KIAA1549: variants seen among roughly 807,000 people sequenced by gnomAD.
The protein encoded by KIAA1549 is UPF0606 protein KIAA1549.
A neutral mutation model predicts 156.4 loss-of-function variants in KIAA1549; 70 were observed. The ratio of observed to expected loss-of-function variants is 0.45; its 90% CI spans 0.37 to 0.55. The LOEUF (loss-of-function observed/expected upper bound fraction) is 0.55, where lower values mean the gene tolerates loss of function less well. Among genes scored for constraint, KIAA1549 ranks in the 20% least tolerant of loss-of-function variants. The pLI, the probability that KIAA1549 is intolerant of heterozygous loss-of-function variation, is 0.00. For missense variants in KIAA1549, 2,428 were observed against 2,540.9 expected, an observed-to-expected ratio of 0.96 and a Z score of 0.96; for synonymous variants, 1,103 against 1,066.4, an observed-to-expected ratio of 1.03 and a Z score of -0.67.
At chr7:138,856,079 C>T (rs1459968412) in intron 16 of KIAA1549, among the ~76,000 whole-genome samples, 2 of 150,824 alleles carry the variant, frequency 1.3e-5, no homozygotes, top group Non-Finnish European at 3.0e-5. Flanking sequence ...CCACCCAGGC[C>T]GGACTGCAGT....
intron 12 of KIAA1549, chr7:138,876,375 T>C (rs1400043677): frequency 6.6e-6 from 1 of 152,248 alleles, no homozygotes; most frequent in African/African-American, 2.4e-5. Context: ...ATGGAATGCT[T>C]CCCCAATATG....
intron 8 of KIAA1549, among the ~76,000 whole-genome samples, chr7:138,900,936 C>G (rs1363177135): frequency 6.6e-6 from 1 of 152,220 alleles, no homozygotes; most frequent in East Asian, 1.9e-4. Context: ...TCAGGTATTC[C>G]TTTACGGCAA....
Position 138,840,388 on chromosome 7 carries a change from G to A in KIAA1549, c.5453-110C>T, listed in dbSNP as rs879055121. 1.7e-5 allele frequency: 16 copies of A among 934,308 alleles called. No homozygotes were observed. The South Asian group carries it at 2.5e-4, about 15-fold the overall frequency. The allele number at this position is 934,308 out of a possible 1,614,324, so 57.9% of individuals were successfully genotyped here. A position where few individuals can be genotyped will look rare whatever the true frequency, so the allele number is the denominator to read the frequency against. On this transcript the variant is annotated intron_variant, in intron 18 of 19. Coordinates refer to ENST00000422774, the MANE Select transcript of KIAA1549 (RefSeq NM_001164665.2). The stretch of plus-strand genomic sequence containing the variant: ...AACTCTGACCACTACACTCCTTAAT[G>A]ACAAGGGATCAGGACTTGGTACCAG...
intron 15 of KIAA1549, among the ~76,000 whole-genome samples, chr7:138,862,089 T>C (rs1196702626): frequency 5.9e-5 from 9 of 152,032 alleles, no homozygotes; most frequent in Admixed American, 5.9e-4. Flanking sequence ...TGAAAAAAAC[T>C]AGTAAATTTT....
chr7:138,848,986 G>A (rs1350033664), intron 17 of KIAA1549, among the ~76,000 whole-genome samples: 2 of 152,110 alleles, frequency 1.3e-5, no homozygotes, highest in Non-Finnish European at 2.9e-5. Context: ...TCCCATCTCA[G>A]CCTCCAGAGT....
intron 1 of KIAA1549, among the ~76,000 whole-genome samples, chr7:138,940,779 T>G (rs1813161332): frequency 2.0e-5 from 3 of 152,250 alleles, no homozygotes; most frequent in Admixed American, 2.0e-4. Context: ...TGATGAGCAT[T>G]TTTTCATGTG....
chr7:138,917,003 C>G lies in KIAA1549; in HGVS notation c.2623G>C (p.Val875Leu), dbSNP rs751839844. 1 of 1,601,094 alleles carries G rather than the reference C, an allele frequency of 6.2e-7. No homozygotes were observed. The highest frequency in any genetic ancestry group is 8.5e-7 in the Non-Finnish European group (1 of 1,173,504). Residue 875 changes from valine (V) to leucine (L), a missense_variant, in exon 2 of 20, where the codon GTG becomes CTG. Physicochemically the swap from Val to Leu is conservative, Grantham distance 32. This residue lies in a region of KIAA1549 where 762 missense variants were observed against 901.6 expected (regional missense o/e 0.85). Coordinates refer to ENST00000422774, the MANE Select transcript of KIAA1549 (RefSeq NM_001164665.2). Reference protein sequence around the residue: ...VVGPSLTPTEVPLNTSTEVST... With the variant: ...VVGPSLTPTELPLNTSTEVST... ...ACTTCCGTGGAGGTGTTCAGTGGCA[C>G]CTCTGTGGGTGTGAGTGATGGGCCC...
chr7:138,922,266 A>G (rs1455173654), intron 1 of KIAA1549, among the ~76,000 whole-genome samples: 2 of 152,262 alleles, frequency 1.3e-5, no homozygotes, highest in African/African-American at 4.8e-5. Flanking sequence ...CCAGGTCTCC[A>G]GCGCCTGTCA....
intron 18 of KIAA1549, 100 bp downstream of exon 18, chr7:138,844,217 A>C: frequency 7.6e-7 from 1 of 1,316,044 alleles, no homozygotes; most frequent in Non-Finnish European, 1.1e-6. Flanking sequence ...CAGCAGTGGC[A>C]GAGGCCTCTG....
At chr7:138,899,222 G>A (rs1811774953) in intron 8 of KIAA1549, 90 bp from the exon 9 acceptor site, 1 of 1,180,524 alleles carries the variant, frequency 8.5e-7, no homozygotes, top group African/African-American at 1.5e-5. Context: ...GTGTCACTCA[G>A]GATTTATTCC....
intron 3 of KIAA1549, among the ~76,000 whole-genome samples, chr7:138,912,142 C>T (rs926939204): frequency 1.3e-5 from 2 of 152,220 alleles, no homozygotes; most frequent in African/African-American, 4.8e-5. Context: ...TCTGCCAACA[C>T]ATCCCCTAAA....
chr7:138,883,089 T>TAAAAAAAAAAAAA lies in KIAA1549; in HGVS notation c.4033-1518_4033-1506dup, dbSNP rs1201752539. Among the ~76,000 whole-genome samples, 4 of 47,064 alleles carry TAAAAAAAAAAAAA rather than the reference T, an allele frequency of 8.5e-5. 1 individual carries two copies. Among genetic ancestry groups the TAAAAAAAAAAAAA allele is most frequent in the African/African-American group, 3.5e-4 (4 of 11,540 alleles). 30.9% of individuals were successfully genotyped at this position (47,064 alleles called of 152,430 possible). A position where few individuals can be genotyped will look rare whatever the true frequency, so the allele number is the denominator to read the frequency against. On this transcript the variant is annotated intron_variant, in intron 10 of 19. Coordinates refer to ENST00000422774, the MANE Select transcript of KIAA1549 (RefSeq NM_001164665.2). ...CAACATGGTGAAACCCCATCTCCCC[T>TAAAAAAAAAAAAA]AAAAAAAAAAAAAAAAAAAAAAAAA...
intron 14 of KIAA1549, 149 bp from the exon 15 acceptor site, chr7:138,868,277 T>C (rs576634075): frequency 6.7e-6 from 5 of 743,422 alleles, no homozygotes; most frequent in Admixed American, 4.9e-5. Flanking sequence ...AGACAGTCTC[T>C]GCTCTAAGGA....
rs1292571753 is a variant in KIAA1549, at chr7:138,883,272, C to CA, written c.4033-1689dup. On this transcript the variant is annotated intron_variant, in intron 10 of 19. Coordinates refer to ENST00000422774, the MANE Select transcript of KIAA1549 (RefSeq NM_001164665.2). ...CAGGTGAAAGAGTAAGACTCCATCT[C>CA]AAAAAAAAAAAAAAAAAGCCATTTG... Among the ~76,000 whole-genome samples, 523 of 55,868 alleles carry CA rather than the reference C, an allele frequency of 9.4e-3. 2 individuals are homozygous for CA. The highest frequency in any genetic ancestry group is 0.053 in the Middle Eastern group (6 of 114). 36.7% of individuals were successfully genotyped at this position (55,868 alleles called of 152,430 possible). A position where few individuals can be genotyped will look rare whatever the true frequency, so the allele number is the denominator to read the frequency against.
intron 1 of KIAA1549, among the ~76,000 whole-genome samples, chr7:138,923,586 C>T (rs942426109): frequency 2.0e-5 from 3 of 149,604 alleles, no homozygotes; most frequent in Non-Finnish European, 4.4e-5. Flanking sequence ...GGCAACAGAG[C>T]GAGACTCCAT....
chr7:138,903,156 G>A (rs1409031928), intron 8 of KIAA1549, among the ~76,000 whole-genome samples: 1 of 152,116 alleles, frequency 6.6e-6, no homozygotes, highest in Non-Finnish European at 1.5e-5. Flanking sequence ...CTCAAGCAGA[G>A]GGCAGCACGT....
In KIAA1549 at chr7:138,835,183, C is replaced by T. The variant is rs1215633093; in HGVS notation, c.*2723G>A. 2 of 214,934 alleles carry T rather than the reference C, an allele frequency of 9.3e-6. No homozygotes were observed. The highest frequency in any genetic ancestry group is 1.8e-5 in the Non-Finnish European group (2 of 109,026). 13.3% of individuals were successfully genotyped at this position (214,934 alleles called of 1,614,324 possible). On this transcript the variant is annotated 3_prime_UTR_variant, in exon 20 of 20. Transcript: ENST00000422774. Reference sequence around the variant, plus strand: ...ACGTGAACTTAATGTCTGAAGACCGCTAGGGTACGGTGCTGCTCACACAGC... The same window carrying T: ...ACGTGAACTTAATGTCTGAAGACCGTTAGGGTACGGTGCTGCTCACACAGC...
intron 5 of KIAA1549, among the ~76,000 whole-genome samples, chr7:138,907,789 G>C (rs1385051374): frequency 6.6e-6 from 1 of 152,156 alleles, no homozygotes; most frequent in Non-Finnish European, 1.5e-5. Context: ...ACTATGGTGG[G>C]TCTGGGCCCT....
chr7:138,928,262 G>A (rs1812779583), intron 1 of KIAA1549, among the ~76,000 whole-genome samples: 1 of 150,996 alleles, frequency 6.6e-6, no homozygotes, highest in African/African-American at 2.4e-5. Flanking sequence ...TTTCTTTTGG[G>A]TTGTCTGTCT....
Sources: gnomAD v4.1 joint callset for allele counts (sites outside exome capture counted in the v4.1 genomes callset) on GRCh38, gnomAD v4.1.1 for gene constraint, gnomAD v4.1.1 regional missense constraint, MANE v1.5 for transcripts, NCBI Gene and HGNC (gene_info 2026-07-23, HGNC 2026-07-21) for gene names.